TBXAS1: variants seen among roughly 807,000 people sequenced by gnomAD.
The protein encoded by TBXAS1 is thromboxane A synthase 1.
Under a neutral mutation model 60.7 loss-of-function variants are expected in TBXAS1, and 48 were observed. The observed-to-expected ratio is 0.79, with a 90% CI of 0.63 to 1.01. The LOEUF (loss-of-function observed/expected upper bound fraction) is 1.01, where lower values mean the gene tolerates loss of function less well. TBXAS1 is among the 50% of genes least tolerant of loss of function. The probability of loss-of-function intolerance (pLI) is 0.00; values close to 1 mark genes in which losing one functional copy is unlikely to be tolerated. For missense variants in TBXAS1, 685 were observed against 686.3 expected, an observed-to-expected ratio of 1.00 and a Z score of 0.02; for synonymous variants, 287 against 269.7, an observed-to-expected ratio of 1.06 and a Z score of -0.63.
At chr7:139,888,997 T>G (rs995861944) in intron 3 of TBXAS1, among the ~76,000 whole-genome samples, 2 of 151,950 alleles carry the variant, frequency 1.3e-5, no homozygotes, top group East Asian at 1.9e-4. Context: ...TGATTTAGAT[T>G]ATCAGAAATG....
chr7:139,862,483 T>C (rs973011120), intron 1 of TBXAS1, among the ~76,000 whole-genome samples: 39 of 152,044 alleles, frequency 2.6e-4, no homozygotes, highest in African/African-American at 9.2e-4. Context: ...AGAAGCTTAG[T>C]TGGAGTGGGG....
chr7:139,865,865 A>AGGGAG, intron 1 of TBXAS1, among the ~76,000 whole-genome samples: 2 of 93,814 alleles, frequency 2.1e-5, no homozygotes, highest in South Asian at 5.0e-4. Flanking sequence ...GGAGGGAGGA[A>AGGGAG]GGAAGGAGGG....
chr7:139,998,237 G>A lies in TBXAS1; in HGVS notation c.1135-8854G>A, dbSNP rs76819702. Among the ~76,000 whole-genome samples, 408 of 152,336 alleles carry A rather than the reference G, an allele frequency of 2.7e-3. 2 individuals carry two copies. The highest frequency in any genetic ancestry group is 7.3e-3 in the South Asian group (35 of 4,826). On this transcript the variant is annotated intron_variant, in intron 9 of 12. Transcript: ENST00000448866. The stretch of plus-strand genomic sequence containing the variant: ...GGGGCATGTGACCGGGAGAGGCCAC[G>A]GGTGTGCTTCCAAGTGCTGGAAGGT...
chr7:139,986,169 A>G (rs190890306), intron 9 of TBXAS1, among the ~76,000 whole-genome samples: 301 of 152,282 alleles, frequency 2.0e-3, no homozygotes, highest in African/African-American at 7.1e-3. Flanking sequence ...AGTTCTCTCT[A>G]TGCGCTAGTG....
chr7:139,827,498 C>T (rs575779724), upstream of TBXAS1, among the ~76,000 whole-genome samples: 9 of 151,886 alleles, frequency 5.9e-5, no homozygotes, highest in Non-Finnish European at 1.3e-4. Flanking sequence ...TTGCATTCAT[C>T]GGGCTCTTTG....
intron 1 of TBXAS1, among the ~76,000 whole-genome samples, chr7:139,832,906 A>G (rs1356617652): frequency 6.6e-6 from 1 of 152,230 alleles, no homozygotes; most frequent in Non-Finnish European, 1.5e-5. Context: ...AGACAAACAA[A>G]TGCTGAGAGA....
chr7:139,820,421 C>T (rs946887299), intron 4 of TBXAS1, among the ~76,000 whole-genome samples: 6 of 152,190 alleles, frequency 3.9e-5, no homozygotes, highest in Non-Finnish European at 7.3e-5. Context: ...AACCTCATTG[C>T]TCATCTTCTG....
intron 4 of TBXAS1, among the ~76,000 whole-genome samples, chr7:139,929,587 T>G (rs1160879629): frequency 6.6e-6 from 1 of 152,232 alleles, no homozygotes; most frequent in Admixed American, 6.5e-5. Context: ...ACTGACATAT[T>G]GATTCTTTGA....
chr7:139,781,558 G>T (rs1796989432), intron 2 of TBXAS1, among the ~76,000 whole-genome samples: 1 of 152,200 alleles, frequency 6.6e-6, no homozygotes, highest in African/African-American at 2.4e-5. Context: ...GCAGCTGGGT[G>T]CTGTGGCTCA....
chr7:139,959,013 AC>A (rs2117359975), intron 8 of TBXAS1, among the ~76,000 whole-genome samples: 1 of 144,960 alleles, frequency 6.9e-6, no homozygotes, highest in Non-Finnish European at 1.5e-5. Flanking sequence ...GTGTTCACAC[AC>A]ACACACACAC....
chr7:139,907,131 C>A (rs1369684203), intron 3 of TBXAS1, among the ~76,000 whole-genome samples: 1 of 152,146 alleles, frequency 6.6e-6, no homozygotes, highest in East Asian at 1.9e-4. Context: ...TAAGGAAAAG[C>A]ATTCAGTCTT....
At chr7:139,930,815 G>A (rs1258889886) in intron 4 of TBXAS1, among the ~76,000 whole-genome samples, 4 of 152,082 alleles carry the variant, frequency 2.6e-5, no homozygotes, top group Admixed American at 6.6e-5. Flanking sequence ...ACAAGGCTGC[G>A]GGCAGGGAAA....
At chr7:139,904,204 T>C (rs773937417) in intron 3 of TBXAS1, among the ~76,000 whole-genome samples, 1 of 152,008 alleles carries the variant, frequency 6.6e-6, no homozygotes, top group African/African-American at 2.4e-5. Context: ...TGAAAGGGTG[T>C]CCTTTCCCTA....
chr7:140,017,432 G>A (rs917172712), intron 11 of TBXAS1, among the ~76,000 whole-genome samples: 35 of 152,344 alleles, frequency 2.3e-4, no homozygotes, highest in Admixed American at 2.0e-3. Flanking sequence ...AGGAGAGGCA[G>A]GGAGGGAGCT....
chr7:139,805,762 T>C (rs1411821029), intron 4 of TBXAS1, among the ~76,000 whole-genome samples: 2 of 147,220 alleles, frequency 1.4e-5, no homozygotes, highest in Non-Finnish European at 3.0e-5. Context: ...TTCTTGTCTT[T>C]CTTTCTTTCT....
At chr7:139,939,932 G>A (rs755715462) in intron 5 of TBXAS1, among the ~76,000 whole-genome samples, 5 of 152,154 alleles carry the variant, frequency 3.3e-5, no homozygotes, top group Non-Finnish European at 7.3e-5. Flanking sequence ...TTTCTGAAAC[G>A]TGAAACCAAT....
chr7:139,981,319 T>C (rs942326249), intron 9 of TBXAS1, among the ~76,000 whole-genome samples: 1 of 152,214 alleles, frequency 6.6e-6, no homozygotes, highest in Non-Finnish European at 1.5e-5. Flanking sequence ...TTTCACCATG[T>C]TGGCCAGGCT....
rs140624457 is a variant in TBXAS1 at position 139,947,376 on chromosome 7, C to G, written c.451-5992C>G. Among the ~76,000 whole-genome samples, 533 of 151,994 alleles carry G rather than the reference C, an allele frequency of 3.5e-3. 4 individuals are homozygous for G. Among genetic ancestry groups the G allele is most frequent in the African/African-American group, 0.012 (516 of 41,430 alleles). ...GGGAGCTGAACAATGAGAACACATG[C>G]GCATAAGGAGGAGAACAACACACAC... On this transcript the variant is annotated intron_variant, in intron 5 of 12. Transcript: ENST00000448866.
intron 4 of TBXAS1, among the ~76,000 whole-genome samples, chr7:139,804,831 C>T (rs1282924022): frequency 6.6e-6 from 1 of 152,184 alleles, no homozygotes; most frequent in Non-Finnish European, 1.5e-5. Context: ...AACTGTGAGT[C>T]CATTAAACCT....
Sources: allele counts gnomAD v4.1 joint callset (sites outside exome capture counted in the v4.1 genomes callset), GRCh38; gene constraint gnomAD v4.1.1; transcripts MANE v1.5; gene names NCBI Gene and HGNC (gene_info 2026-07-23, HGNC 2026-07-21).